CNTRL: variants seen among roughly 807,000 people sequenced by gnomAD.
The protein encoded by CNTRL is centriolin, also known as 110 kDa centrosomal protein.
CNTRL carries 233 observed loss-of-function variants against 303.7 expected under a neutral mutation model. The ratio of observed to expected loss-of-function variants is 0.77; its 90% CI spans 0.69 to 0.86. The LOEUF (loss-of-function observed/expected upper bound fraction) is 0.86, where lower values mean the gene tolerates loss of function less well. Ranked by LOEUF, CNTRL falls within the 40% of genes least tolerant of loss-of-function variation. The probability of loss-of-function intolerance (pLI) is 0.00; values close to 1 mark genes in which losing one functional copy is unlikely to be tolerated. For missense variants in CNTRL, 2,524 were observed against 2,650.6 expected (o/e 0.95, Z 1.05); for synonymous variants, 900 against 922.2 (o/e 0.98, Z 0.44).
Position 121,098,630 on chromosome 9 carries a change from G to A in CNTRL, c.808+58G>A, listed in dbSNP as rs1301175083. On this transcript the variant is annotated intron_variant, in intron 7 of 43. Coordinates refer to ENST00000373855, the MANE Select transcript of CNTRL (RefSeq NM_007018.6). ...GTGAGGGAGGAATTTATTTTCAGAAGTTATCTAGAAATATGTATCATGAAC... is the reference window on the plus strand; with the variant it reads ...GTGAGGGAGGAATTTATTTTCAGAAATTATCTAGAAATATGTATCATGAAC... 3 of 1,116,888 alleles carry A rather than the reference G, an allele frequency of 2.7e-6. No homozygotes were observed. In the African/African-American group the frequency reaches 4.8e-5, roughly 18 times the overall value. The allele number at this position is 1,116,888 out of a possible 1,614,324, so 69.2% of individuals were successfully genotyped here.
At chr9:121,129,432 C>G (rs1000188592) in intron 14 of CNTRL, among the ~76,000 whole-genome samples, 1 of 151,854 alleles carries the variant, frequency 6.6e-6, no homozygotes, top group African/African-American at 2.4e-5. Context: ...CGATTTGGCT[C>G]TCTGTCTATT....
At position 121,157,495 on chromosome 9, in the gene CNTRL, C is replaced by G; in HGVS notation, c.4391C>G (p.Thr1464Ser). ...ACAAAAAATGCTGTTGAAAAGTTCACTGATGCCAAGAGAAGTTTATTGCAA... is the reference window on the plus strand; with the variant it reads ...ACAAAAAATGCTGTTGAAAAGTTCAGTGATGCCAAGAGAAGTTTATTGCAA... Reference protein sequence around the residue: ...EKTKNAVEKFTDAKRSLLQTE... With the variant: ...EKTKNAVEKFSDAKRSLLQTE... Residue 1464 changes from threonine (T) to serine (S), a missense_variant, in exon 28 of 44, where the codon ACT becomes AGT. By Grantham distance (58) the Thr-to-Ser change is moderately conservative. Transcript: ENST00000373855. 6.2e-7 allele frequency: 1 copy of G among 1,613,862 alleles called. No individual in the cohort carries two copies. The highest frequency in any genetic ancestry group is 8.5e-7 in the Non-Finnish European group (1 of 1,179,938).
chr9:121,087,894 C>T (rs10985149), intron 2 of CNTRL, among the ~76,000 whole-genome samples: 13,017 of 152,018 alleles, frequency 0.086, 1,226 homozygotes, highest in African/African-American at 0.22. Context: ...CAGGAGAATG[C>T]GGTGTCCCAG....
chr9:121,131,723 G>T (rs893722842), intron 14 of CNTRL, among the ~76,000 whole-genome samples: 11 of 152,094 alleles, frequency 7.2e-5, no homozygotes, highest in South Asian at 2.1e-4. Flanking sequence ...GTTTCTTCCT[G>T]GCATTGATGG....
chr9:121,092,655 A>ATT (rs1256302648), intron 4 of CNTRL, among the ~76,000 whole-genome samples: 1 of 25,426 alleles, frequency 3.9e-5, no homozygotes, highest in African/African-American at 1.2e-4. Context: ...ATCTATATAT[A>ATT]ATATATATCT....
Position 121,173,236 on chromosome 9 carries a change from T to G in CNTRL, c.6418-7T>G, listed in dbSNP as rs1359676386. Reference sequence around the variant, plus strand: ...ACAATGATATTTGACACCAACTCACTGTTTAGATGGCAAACCAAAAAGATT... The same window carrying G: ...ACAATGATATTTGACACCAACTCACGGTTTAGATGGCAAACCAAAAAGATT... On this transcript the variant is annotated splice_polypyrimidine_tract_variant and splice_region_variant and intron_variant, in intron 40 of 43. Transcript: ENST00000373855. 2 of 1,599,368 alleles carry G rather than the reference T, an allele frequency of 1.3e-6. No individual in the cohort carries two copies. Among genetic ancestry groups the G allele is most frequent in the African/African-American group, 2.7e-5 (2 of 74,404 alleles).
chr9:121,168,082 T>G lies in CNTRL; in HGVS notation c.5845-14T>G. 6.2e-7 allele frequency: 1 copy of G among 1,601,900 alleles called. No individual in the cohort carries two copies. Reference sequence around the variant, plus strand: ...TTGTTGTTTAATGACTAATCAAGATTATTCTTTATTAAGATGTTTCAGAGA... The same window carrying G: ...TTGTTGTTTAATGACTAATCAAGATGATTCTTTATTAAGATGTTTCAGAGA... On this transcript the variant is annotated splice_polypyrimidine_tract_variant and intron_variant, in intron 37 of 43. Transcript: ENST00000373855.
chr9:121,172,263 A>G (rs547954374), intron 40 of CNTRL, among the ~76,000 whole-genome samples: 1 of 152,364 alleles, frequency 6.6e-6, no homozygotes, highest in African/African-American at 2.4e-5. Flanking sequence ...AGCAGTAGGT[A>G]TAAATTTCAT....
chr9:121,098,829 C>CAAAA (rs66692307), intron 7 of CNTRL, among the ~76,000 whole-genome samples: 1 of 142,556 alleles, frequency 7.0e-6, no homozygotes. Flanking sequence ...AGAAGACAGA[C>CAAAA]AAAAAAAAAA....
At chr9:121,101,720 T>C (rs1405900259) in intron 7 of CNTRL, among the ~76,000 whole-genome samples, 2 of 151,884 alleles carry the variant, frequency 1.3e-5, no homozygotes, top group Non-Finnish European at 2.9e-5. Flanking sequence ...AAAGGAGATA[T>C]CACCACCAAT....
chr9:121,162,405 A>C, intron 34 of CNTRL, 134 bp downstream of exon 34: 1 of 735,526 alleles, frequency 1.4e-6, no homozygotes, highest in Admixed American at 2.8e-5. Context: ...ACATTTTGCC[A>C]GTTGCATTTT....
At chr9:121,102,900 G>A (rs979593862) in intron 7 of CNTRL, among the ~76,000 whole-genome samples, 14 of 152,124 alleles carry the variant, frequency 9.2e-5, no homozygotes, top group Admixed American at 5.2e-4. Flanking sequence ...AATAAAAGAG[G>A]ACACAAACAA....
chr9:121,171,548 G>A lies in CNTRL; in HGVS notation c.6417G>A (p.Gln2139=). The part of the protein sequence containing the change: ...MQYEYTELKK[Q]MANQKDLERR... ...ATGAGTACACGGAGCTCAAGAAACAGGTGTGTGCCCAGAAAGCCCAGCTGG... is the reference window on the plus strand; with the variant it reads ...ATGAGTACACGGAGCTCAAGAAACAAGTGTGTGCCCAGAAAGCCCAGCTGG... The change falls in exon 40 of 44, where the codon CAG becomes CAA. Residue 2139 remains glutamine (Q), a splice_region_variant and synonymous_variant. Coordinates refer to ENST00000373855, the MANE Select transcript of CNTRL (RefSeq NM_007018.6). 1 of 1,613,128 alleles carries A rather than the reference G, an allele frequency of 6.2e-7. No individual in the cohort carries two copies. Among genetic ancestry groups the A allele is most frequent in the Non-Finnish European group, 8.5e-7 (1 of 1,179,516 alleles).
In CNTRL at chr9:121,113,721, G is replaced by A. The variant is rs983093653; in HGVS notation, c.1342G>A (p.Ala448Thr). The A allele has an allele frequency of 7.9e-6, 12 of 1,513,404 alleles. No individual in the cohort carries two copies. Among genetic ancestry groups the A allele is most frequent in the Admixed American group, 2.4e-5 (1 of 41,062 alleles). 93.7% of individuals were successfully genotyped at this position (1,513,404 alleles called of 1,614,324 possible). ...QLEDKEKKIS[A>T]AQTRLSELHD... ...GGAAGACAAAGAAAAAAAAATAAGT[G>A]CAGGTTAAAAAAAGTTATTTTAAAT... The change falls in exon 10 of 44, where the codon GCA (alanine) becomes ACA (threonine). Residue 448 changes from alanine to threonine, a missense_variant. By Grantham distance (58) the Ala-to-Thr change is moderately conservative. Coordinates refer to ENST00000373855, the MANE Select transcript of CNTRL (RefSeq NM_007018.6).
In CNTRL at chr9:121,165,117, C is replaced by G. The variant is rs749213277; in HGVS notation, c.5581+17C>G. 1 of 1,538,050 alleles carries G rather than the reference C, an allele frequency of 6.5e-7. No homozygotes were observed. The highest frequency in any genetic ancestry group is 2.2e-5 in the Admixed American group (1 of 45,138). On this transcript the variant is annotated intron_variant, in intron 35 of 43. Coordinates refer to ENST00000373855, the MANE Select transcript of CNTRL (RefSeq NM_007018.6). ...AGCTCCAAGGTATAAGGCAGCAAAACAGTGAAAGTGTGTGATTTCCTTGCC... is the reference window on the plus strand; with the variant it reads ...AGCTCCAAGGTATAAGGCAGCAAAAGAGTGAAAGTGTGTGATTTCCTTGCC...
chr9:121,118,577 C>G (rs558400200), intron 12 of CNTRL, 37 bp downstream of exon 12: 1 of 1,472,456 alleles, frequency 6.8e-7, no homozygotes, highest in South Asian at 1.4e-5. Context: ...GTTCTGTCTA[C>G]ATATTACATG....
chr9:121,121,698 A>G (rs574866404), intron 12 of CNTRL: 2 of 756,044 alleles, frequency 2.6e-6, no homozygotes, highest in East Asian at 1.3e-4. Flanking sequence ...TTCCTGTGTT[A>G]TGATTTAACT....
At position 121,096,557 on chromosome 9, in the gene CNTRL, A is replaced by G. The variant is rs1285805469; in HGVS notation, c.615A>G (p.Ile205Met). ...LRVLNLKGNKISSLQDISKLK... is the reference protein window; with the variant it reads ...LRVLNLKGNKMSSLQDISKLK... ...TCCTCAATTTGAAAGGCAACAAGAT[A>G]TCATCGGTAAGTTATTCAAAATAGC... The change falls in exon 6 of 44, where the codon ATA (isoleucine) becomes ATG (methionine). Residue 205 changes from isoleucine (I) to methionine (M), a missense_variant. By Grantham distance (10) the Ile-to-Met change is conservative. Coordinates refer to ENST00000373855, the MANE Select transcript of CNTRL (RefSeq NM_007018.6). The G allele has an allele frequency of 5.5e-6, 8 of 1,461,616 alleles. No homozygotes were observed. The highest frequency in any genetic ancestry group is 1.4e-5 in the African/African-American group (1 of 71,034). The allele number at this position is 1,461,616 out of a possible 1,614,324, so 90.5% of individuals were successfully genotyped here.
intron 35 of CNTRL, among the ~76,000 whole-genome samples, chr9:121,165,634 C>T (rs1331117330): frequency 6.6e-6 from 1 of 152,106 alleles, no homozygotes; most frequent in African/African-American, 2.4e-5. Context: ...ATCCTCATAA[C>T]ATTTTTATGA....
Sources: allele counts gnomAD v4.1 joint callset (sites outside exome capture counted in the v4.1 genomes callset), GRCh38; gene constraint gnomAD v4.1.1; transcripts MANE v1.5; gene names NCBI Gene and HGNC (gene_info 2026-07-23, HGNC 2026-07-21).